Variants in SRPK2 observed in about 807,000 individuals in gnomAD.
The protein encoded by SRPK2 is SFRS protein kinase 2.
Under a neutral mutation model 90.8 loss-of-function variants are expected in SRPK2, and 21 were observed. That is an observed-to-expected ratio of 0.23 (90% confidence interval 0.16 to 0.33). The LOEUF (loss-of-function observed/expected upper bound fraction) is 0.33. Ranked by LOEUF, SRPK2 falls within the 10% of genes least tolerant of loss-of-function variation. The pLI is 1.00. For synonymous variants in SRPK2, 288 were observed against 311.1 expected (o/e 0.93, Z 0.78); for missense variants, 620 against 869.0 (o/e 0.71, Z 3.60).
intron 3 of SRPK2, among the ~76,000 whole-genome samples, chr7:105,179,313 G>A (rs1176932874): frequency 6.6e-6 from 1 of 152,152 alleles, no homozygotes; most frequent in East Asian, 1.9e-4. Flanking sequence ...AACTATACCT[G>A]GGTATATATT....
chr7:105,204,868 G>C (rs1238561686), intron 2 of SRPK2: 1 of 437,278 alleles, frequency 2.3e-6, no homozygotes, highest in Non-Finnish European at 4.4e-6. Context: ...CCTAGTTGTT[G>C]AGAGCAGGTG....
intron 2 of SRPK2, among the ~76,000 whole-genome samples, chr7:105,318,423 TAAGTGTATTGAC>T (rs1812553755): frequency 1.3e-5 from 2 of 152,242 alleles, no homozygotes; most frequent in Non-Finnish European, 2.9e-5. Flanking sequence ...TAACATACAG[TAAGTGTATTGAC>T]AACTACACGT....
chr7:105,137,197 T>C (rs1355429825), intron 11 of SRPK2, among the ~76,000 whole-genome samples: 3 of 152,064 alleles, frequency 2.0e-5, no homozygotes, highest in Non-Finnish European at 4.4e-5. Flanking sequence ...TGAGAAACTT[T>C]AGAAAGAAGC....
At chr7:105,251,376 T>C (rs1228205806) in intron 2 of SRPK2, among the ~76,000 whole-genome samples, 1 of 152,120 alleles carries the variant, frequency 6.6e-6, no homozygotes, top group Non-Finnish European at 1.5e-5. Flanking sequence ...GCTTTTTTCT[T>C]TTCTTTTTTT....
intron 2 of SRPK2, among the ~76,000 whole-genome samples, chr7:105,385,840 T>TA (rs1821515989): frequency 6.6e-6 from 1 of 152,356 alleles, no homozygotes; most frequent in Admixed American, 6.5e-5. Flanking sequence ...AAGGTATATG[T>TA]AAAACAATCG....
chr7:105,215,093 T>C (rs192990695), intron 2 of SRPK2, among the ~76,000 whole-genome samples: 10 of 152,298 alleles, frequency 6.6e-5, no homozygotes, highest in African/African-American at 1.4e-4. Flanking sequence ...TGGGAAAGAA[T>C]AGTCTGTTCA....
At chr7:105,300,671 A>G (rs1043183949) in intron 2 of SRPK2, among the ~76,000 whole-genome samples, 3 of 152,238 alleles carry the variant, frequency 2.0e-5, no homozygotes, top group Non-Finnish European at 4.4e-5. Flanking sequence ...TATACAAGAA[A>G]AAAATCAAAC....
At chr7:105,121,621 C>G (rs1296468321) in intron 15 of SRPK2, among the ~76,000 whole-genome samples, 1 of 152,170 alleles carries the variant, frequency 6.6e-6, no homozygotes, top group Non-Finnish European at 1.5e-5. Flanking sequence ...CCAAGAGCCC[C>G]TTAGGCTTCT....
intron 2 of SRPK2, among the ~76,000 whole-genome samples, chr7:105,342,835 G>A (rs988510311): frequency 8.5e-5 from 13 of 152,112 alleles, no homozygotes; most frequent in African/African-American, 2.7e-4. Context: ...AAGAGGAAAG[G>A]AGGGACAATA....
intron 3 of SRPK2, among the ~76,000 whole-genome samples, chr7:105,187,150 C>T (rs533435511): frequency 1.7e-4 from 26 of 152,170 alleles, no homozygotes; most frequent in Non-Finnish European, 2.8e-4. Context: ...CAACAATAAT[C>T]ACAACGGTCT....
chr7:105,128,846 C>G (rs1051950413), intron 13 of SRPK2, among the ~76,000 whole-genome samples: 1 of 152,218 alleles, frequency 6.6e-6, no homozygotes, highest in Non-Finnish European at 1.5e-5. Context: ...AGGCGCACTA[C>G]ACTGCACCCA....
intron 3 of SRPK2, among the ~76,000 whole-genome samples, chr7:105,182,267 T>C (rs1298990208): frequency 6.8e-6 from 1 of 147,674 alleles, no homozygotes; most frequent in African/African-American, 2.5e-5. Context: ...AACCGTATAC[T>C]CTAACAGCAA....
At chr7:105,341,073 A>T (rs567304419) in intron 2 of SRPK2, among the ~76,000 whole-genome samples, 1 of 152,210 alleles carries the variant, frequency 6.6e-6, no homozygotes, top group Admixed American at 6.5e-5. Flanking sequence ...CAGAAAAAAA[A>T]GAAAACCATA....
In SRPK2 at chr7:105,348,526, C is replaced by T. The variant is rs182202734; in HGVS notation, c.71+40122G>A. 4.0e-5 allele frequency among the ~76,000 whole-genome samples: 6 copies of T among 150,686 alleles called. No individual in the cohort carries two copies. In the Admixed American group the frequency reaches 4.0e-4, roughly 10 times the overall value. On this transcript the variant is annotated intron_variant, in intron 2 of 15. Transcript: ENST00000393651. ...TGCAACCTCCACCTCATGGTTCAAG[C>T]GATTCTCCCGCCTCAGCTTCCTGAG... is the stretch of plus-strand genomic sequence containing the variant.
chr7:105,194,503 T>C (rs796894227), intron 3 of SRPK2, among the ~76,000 whole-genome samples: 137 of 151,412 alleles, frequency 9.0e-4, no homozygotes, highest in African/African-American at 5.5e-4. Flanking sequence ...GCAAACAGCA[T>C]AGTTACAGGC....
intron 2 of SRPK2, among the ~76,000 whole-genome samples, chr7:105,387,151 T>C (rs1273579733): frequency 6.6e-6 from 1 of 152,216 alleles, no homozygotes; most frequent in Non-Finnish European, 1.5e-5. Context: ...CACATAGCCA[T>C]CTCCGACACT....
At chr7:105,296,114 A>T (rs1809782815) in intron 2 of SRPK2, among the ~76,000 whole-genome samples, 1 of 152,194 alleles carries the variant, frequency 6.6e-6, no homozygotes, top group Non-Finnish European at 1.5e-5. Context: ...GTACAAGAAT[A>T]CTTTGTGCAA....
At chr7:105,319,853 T>TC (rs757705737) in intron 2 of SRPK2, among the ~76,000 whole-genome samples, 14 of 142,036 alleles carry the variant, frequency 9.9e-5, no homozygotes, top group Admixed American at 4.2e-4. Flanking sequence ...GGACATCACT[T>TC]CCCCCCCTTT....
intron 2 of SRPK2, among the ~76,000 whole-genome samples, chr7:105,213,818 C>G (rs572853333): frequency 6.6e-6 from 1 of 152,118 alleles, no homozygotes; most frequent in Non-Finnish European, 1.5e-5. Flanking sequence ...TAACAACTAA[C>G]GATTGCCTCA....
Sources: gnomAD v4.1 joint callset for allele counts (sites outside exome capture counted in the v4.1 genomes callset) on GRCh38, gnomAD v4.1.1 for gene constraint, MANE v1.5 for transcripts, NCBI Gene and HGNC (gene_info 2026-07-23, HGNC 2026-07-21) for gene names.